EEFSEC: variants seen among roughly 807,000 people sequenced by gnomAD.
EEFSEC encodes eukaryotic elongation factor, selenocysteine-tRNA specific.
In EEFSEC, 43 loss-of-function variants were observed where a neutral mutation model predicts 42.1. The observed-to-expected ratio is 1.02, with a 90% confidence interval of 0.80 to 1.32. EEFSEC has a LOEUF of 1.32. Among genes scored for constraint, EEFSEC ranks in the 40% most tolerant of loss-of-function variants. The pLI, the probability that EEFSEC is intolerant of heterozygous loss-of-function variation, is 0.00. For missense variants in EEFSEC, 745 were observed against 803.6 expected (o/e 0.93, Z 0.88); for synonymous variants, 354 against 339.1 (o/e 1.04, Z -0.48).
intron 1 of EEFSEC, among the ~76,000 whole-genome samples, chr3:128,243,977 A>C (rs566098982): frequency 6.6e-6 from 1 of 152,268 alleles, no homozygotes; most frequent in South Asian, 2.1e-4. Flanking sequence ...GCAGGTGTTT[A>C]AGTTCTAGAG....
intron 4 of EEFSEC, among the ~76,000 whole-genome samples, chr3:128,315,082 A>G (rs1377271698): frequency 6.6e-6 from 1 of 152,204 alleles, no homozygotes; most frequent in Admixed American, 6.5e-5. Flanking sequence ...AGTGTGGTGT[A>G]TTATGGCTGG....
chr3:128,247,426 T>C (rs1411514035), intron 2 of EEFSEC, among the ~76,000 whole-genome samples: 1 of 152,176 alleles, frequency 6.6e-6, no homozygotes, highest in Non-Finnish European at 1.5e-5. Context: ...ATATTGGCCA[T>C]ACTTTGGTGC....
chr3:128,172,243 G>T (rs1043719353), intron 1 of EEFSEC, among the ~76,000 whole-genome samples: 78 of 152,312 alleles, frequency 5.1e-4, no homozygotes, highest in Non-Finnish European at 9.3e-4. Flanking sequence ...GAGTTTAACT[G>T]AAAACAGCAG....
intron 6 of EEFSEC, among the ~76,000 whole-genome samples, chr3:128,379,306 A>G (rs2067746467): frequency 6.6e-6 from 1 of 152,232 alleles, no homozygotes; most frequent in African/African-American, 2.4e-5. Context: ...CGCTTTGGCC[A>G]TTGAAGCATT....
chr3:128,397,766 G>A (rs2067999051), intron 6 of EEFSEC, among the ~76,000 whole-genome samples: 1 of 152,276 alleles, frequency 6.6e-6, no homozygotes, highest in Non-Finnish European at 1.5e-5. Context: ...TCTGGACGGA[G>A]GAGTCGGGCA....
At chr3:128,249,979 A>G (rs1012733862) in intron 2 of EEFSEC, among the ~76,000 whole-genome samples, 2 of 152,040 alleles carry the variant, frequency 1.3e-5, no homozygotes, top group African/African-American at 2.4e-5. Flanking sequence ...CATAGTTTTC[A>G]TTTGCATTTC....
intron 5 of EEFSEC, among the ~76,000 whole-genome samples, chr3:128,357,363 C>T (rs953985911): frequency 1.5e-4 from 23 of 152,254 alleles, no homozygotes; most frequent in African/African-American, 5.3e-4. Flanking sequence ...ACATGTGTGT[C>T]CCTCCTCTCA....
intron 6 of EEFSEC, among the ~76,000 whole-genome samples, chr3:128,374,200 T>C (rs2107607699): frequency 6.6e-6 from 1 of 152,366 alleles, no homozygotes; most frequent in African/African-American, 2.4e-5. Context: ...TCATCGACTG[T>C]GTGGCTCTTT....
chr3:128,237,067 G>C (rs902063059), intron 1 of EEFSEC, among the ~76,000 whole-genome samples: 25 of 152,328 alleles, frequency 1.6e-4, no homozygotes, highest in African/African-American at 5.1e-4. Context: ...TGAACTAGCT[G>C]TTGATACCAT....
At chr3:128,306,779 T>C (rs1276513462) in intron 4 of EEFSEC, among the ~76,000 whole-genome samples, 1 of 152,252 alleles carries the variant, frequency 6.6e-6, no homozygotes, top group Non-Finnish European at 1.5e-5. Context: ...TTATATTTTT[T>C]GTCAGATGAG....
chr3:128,301,907 C>T (rs2108004960), intron 4 of EEFSEC, among the ~76,000 whole-genome samples: 1 of 152,206 alleles, frequency 6.6e-6, no homozygotes, highest in Non-Finnish European at 1.5e-5. Flanking sequence ...AGCTGGCAGG[C>T]AGACCAGTGT....
intron 5 of EEFSEC, among the ~76,000 whole-genome samples, chr3:128,349,378 G>A (rs1371787228): frequency 1.3e-5 from 2 of 152,220 alleles, no homozygotes; most frequent in Non-Finnish European, 2.9e-5. Context: ...GTCTCGCCCT[G>A]AGGCTCTGGG....
chr3:128,420,150 G>C, the EEFSEC span, among the ~76,000 whole-genome samples: 4 of 151,892 alleles, frequency 2.6e-5, no homozygotes, highest in African/African-American at 9.7e-5. Flanking sequence ...AACAGACAGA[G>C]AGTCAGAGAG....
chr3:128,420,515 C>A, the EEFSEC span, among the ~76,000 whole-genome samples: 1 of 152,178 alleles, frequency 6.6e-6, no homozygotes, highest in African/African-American at 2.4e-5. Context: ...AGACACAGGC[C>A]TCCACGCCTG....
rs2066213405 is a variant in EEFSEC, at chr3:128,253,786, A to G, written c.524+6743A>G. On this transcript the variant is annotated intron_variant, in intron 2 of 6. Coordinates refer to ENST00000254730, the MANE Select transcript of EEFSEC (RefSeq NM_021937.5). ...GCTACTTCTGTGGGGGCAGTGTGTCATGTCTGAGCTACTCTAGAACTGATT... is the reference window on the plus strand; with the variant it reads ...GCTACTTCTGTGGGGGCAGTGTGTCGTGTCTGAGCTACTCTAGAACTGATT... 3.3e-5 allele frequency among the ~76,000 whole-genome samples: 5 copies of G among 152,226 alleles called. No individual in the cohort carries two copies. In the South Asian group the frequency reaches 8.3e-4, roughly 25 times the overall value.
chr3:128,392,214 C>G (rs1017517110), intron 6 of EEFSEC, among the ~76,000 whole-genome samples: 6 of 152,184 alleles, frequency 3.9e-5, no homozygotes, highest in Non-Finnish European at 5.9e-5. Flanking sequence ...AGAAGAGACC[C>G]GCACCAGCCC....
the EEFSEC span, among the ~76,000 whole-genome samples, chr3:128,424,460 C>T: frequency 6.6e-6 from 1 of 152,162 alleles, no homozygotes; most frequent in Non-Finnish European, 1.5e-5. Context: ...TGGCTCACTG[C>T]AGCCTCGAAC....
chr3:128,420,229 A>G, the EEFSEC span, among the ~76,000 whole-genome samples: 29 of 152,228 alleles, frequency 1.9e-4, no homozygotes, highest in Non-Finnish European at 3.5e-4. Context: ...GATTGGTCAG[A>G]ACTGACTGCA....
intron 6 of EEFSEC, among the ~76,000 whole-genome samples, chr3:128,403,999 G>T (rs763163534): frequency 1.3e-4 from 20 of 152,252 alleles, no homozygotes; most frequent in Non-Finnish European, 2.4e-4. Flanking sequence ...GTTCTGGCAT[G>T]TTCCCTGAAT....
Sources: allele counts gnomAD v4.1 joint callset (sites outside exome capture counted in the v4.1 genomes callset), GRCh38; gene constraint gnomAD v4.1.1; transcripts MANE v1.5; gene names NCBI Gene and HGNC (gene_info 2026-07-23, HGNC 2026-07-21).